Variants in CDH18 observed in about 807,000 individuals in gnomAD.
CDH18 encodes the protein cadherin-18.
In CDH18, 31 loss-of-function variants were observed where a neutral mutation model predicts 67.9. That is an observed-to-expected ratio of 0.46 (90% confidence interval 0.34 to 0.62). The LOEUF is 0.62. Ranked by LOEUF, CDH18 falls within the 20% of genes least tolerant of loss-of-function variation. The pLI, the probability that CDH18 is intolerant of heterozygous loss-of-function variation, is 0.01. For synonymous variants in CDH18, 362 were observed against 347.2 expected, an observed-to-expected ratio of 1.04 and a Z score of -0.48; for missense variants, 890 against 975.5, an observed-to-expected ratio of 0.91 and a Z score of 1.17.
At chr5:19,905,006 C>G (rs1790383588) in intron 2 of CDH18, among the ~76,000 whole-genome samples, 1 of 152,096 alleles carries the variant, frequency 6.6e-6, no homozygotes. Flanking sequence ...TGGTTTCTTG[C>G]TGAGAGATGT....
At chr5:20,190,266 A>C (rs1011777862) in intron 2 of CDH18, among the ~76,000 whole-genome samples, 64 of 152,256 alleles carry the variant, frequency 4.2e-4, no homozygotes, top group African/African-American at 1.5e-3. Context: ...ACTATTCTTC[A>C]GTTACATCAA....
intron 2 of CDH18, among the ~76,000 whole-genome samples, chr5:20,207,437 C>G (rs762464121): frequency 3.3e-5 from 5 of 151,992 alleles, no homozygotes; most frequent in African/African-American, 1.2e-4. Context: ...CTCATAAAGA[C>G]ATACAAGAGA....
chr5:20,289,889 T>C (rs766397597), intron 1 of CDH18, among the ~76,000 whole-genome samples: 1 of 152,008 alleles, frequency 6.6e-6, no homozygotes, highest in Admixed American at 6.6e-5. Context: ...GACAGAAATA[T>C]GTAGATAGCT....
At chr5:20,495,948 T>A (rs1753881049) in intron 1 of CDH18, among the ~76,000 whole-genome samples, 1 of 152,040 alleles carries the variant, frequency 6.6e-6, no homozygotes, top group Non-Finnish European at 1.5e-5. Flanking sequence ...AATAAAAGTT[T>A]GTGAATTGGA....
intron 2 of CDH18, among the ~76,000 whole-genome samples, chr5:20,007,534 GCATGA>G (rs1400641195): frequency 1.3e-5 from 2 of 152,090 alleles, no homozygotes; most frequent in Non-Finnish European, 2.9e-5. Flanking sequence ...GAATTTTTAA[GCATGA>G]CTCAAAATAT....
At chr5:20,228,000 A>G (rs533525758) in intron 2 of CDH18, among the ~76,000 whole-genome samples, 3 of 152,240 alleles carry the variant, frequency 2.0e-5, no homozygotes, top group African/African-American at 4.8e-5. Flanking sequence ...AAGATCATCA[A>G]ATAATTTATT....
intron 2 of CDH18, among the ~76,000 whole-genome samples, chr5:20,029,553 T>G (rs929944906): frequency 6.6e-6 from 1 of 152,222 alleles, no homozygotes; most frequent in Non-Finnish European, 1.5e-5. Context: ...TCTGCTTTAA[T>G]GCTTACTTAA....
At chr5:19,830,084 A>G (rs1327483129) in intron 3 of CDH18, among the ~76,000 whole-genome samples, 1 of 152,168 alleles carries the variant, frequency 6.6e-6, no homozygotes, top group Admixed American at 6.5e-5. Flanking sequence ...AGCTATAAAA[A>G]CCCTGGAAGA....
At chr5:20,509,361 T>A (rs1754871895) in intron 1 of CDH18, among the ~76,000 whole-genome samples, 1 of 151,892 alleles carries the variant, frequency 6.6e-6, no homozygotes, top group Admixed American at 6.6e-5. Context: ...TTTCCCTTAA[T>A]ATAATCTACA....
At chr5:19,871,094 T>C (rs1786218377) in intron 2 of CDH18, among the ~76,000 whole-genome samples, 1 of 152,192 alleles carries the variant, frequency 6.6e-6, no homozygotes, top group South Asian at 2.1e-4. Flanking sequence ...GCAGAGGTCA[T>C]ATAACTCATC....
rs191814960 is a variant in CDH18 at position 19,761,428 on chromosome 5, G to A, written c.229-14192C>T. Among the ~76,000 whole-genome samples the A allele has an allele frequency of 4.5e-3, 689 of 152,170 alleles. 1 individual carries two copies. Among genetic ancestry groups the A allele is most frequent in the Non-Finnish European group, 7.9e-3 (535 of 68,002 alleles). ...GCCTCTTCTGAGCAGTAAATCAGGCGTTTCAAATGCATTTATTTTGCATAA... is the reference window on the plus strand; with the variant it reads ...GCCTCTTCTGAGCAGTAAATCAGGCATTTCAAATGCATTTATTTTGCATAA... On this transcript the variant is annotated intron_variant, in intron 3 of 12. Transcript: ENST00000382275.
chr5:19,942,437 A>G (rs1346454535), intron 2 of CDH18, among the ~76,000 whole-genome samples: 1 of 152,230 alleles, frequency 6.6e-6, no homozygotes, highest in East Asian at 1.9e-4. Flanking sequence ...CAATTCATAT[A>G]CAAATAAAAT....
intron 4 of CDH18, among the ~76,000 whole-genome samples, chr5:19,732,984 G>A (rs1461724036): frequency 6.6e-6 from 1 of 152,226 alleles, no homozygotes; most frequent in South Asian, 2.1e-4. Context: ...GGAAATCTGA[G>A]TTCCGTTTTC....
intron 8 of CDH18, among the ~76,000 whole-genome samples, chr5:19,567,726 AT>A (rs1331876187): frequency 6.6e-6 from 1 of 152,144 alleles, no homozygotes; most frequent in Non-Finnish European, 1.5e-5. Flanking sequence ...AGCAGGATTC[AT>A]TTTAGTTCTC....
At chr5:20,197,384 T>C (rs1469828402) in intron 2 of CDH18, among the ~76,000 whole-genome samples, 1 of 152,204 alleles carries the variant, frequency 6.6e-6, no homozygotes, top group Non-Finnish European at 1.5e-5. Context: ...TTCTAGACAA[T>C]GAATCAAAAT....
intron 1 of CDH18, among the ~76,000 whole-genome samples, chr5:20,292,273 T>C (rs1031272279): frequency 2.6e-5 from 4 of 152,242 alleles, no homozygotes; most frequent in African/African-American, 4.8e-5. Context: ...CACTTGATGG[T>C]TCAATTTCTG....
intron 3 of CDH18, among the ~76,000 whole-genome samples, chr5:19,811,212 AAG>A (rs763423697): frequency 0.054 from 8,186 of 151,678 alleles, 481 homozygotes; most frequent in African/African-American, 0.064. Flanking sequence ...GGAAGGAAGG[AAG>A]GAAAGAAAAG....
At position 20,407,693 on chromosome 5, in the gene CDH18, A is replaced by G. The variant is rs1427287744; in HGVS notation, c.-579-152188T>C. Among the ~76,000 whole-genome samples, 15 of 150,964 alleles carry G rather than the reference A, an allele frequency of 9.9e-5. No individual in the cohort carries two copies. In the Admixed American group the frequency reaches 1.0e-3, roughly 10 times the overall value. Reference sequence around the variant, plus strand: ...CTAGCTTAAATGCAGGTTGCTTTGAATATCACAGTCAGAAAAGAAAAAAAA... The same window carrying G: ...CTAGCTTAAATGCAGGTTGCTTTGAGTATCACAGTCAGAAAAGAAAAAAAA... On this transcript the variant is annotated intron_variant, in intron 1 of 14. Coordinates refer to the CDH18 transcript ENST00000507958.
chr5:20,439,293 G>C (rs1749422025), intron 1 of CDH18, among the ~76,000 whole-genome samples: 1 of 151,542 alleles, frequency 6.6e-6, no homozygotes. Context: ...GTTTGCTGTG[G>C]GAAAGTAAGT....
Sources: gnomAD v4.1 joint callset for allele counts (sites outside exome capture counted in the v4.1 genomes callset) on GRCh38, gnomAD v4.1.1 for gene constraint, MANE v1.5 for transcripts, NCBI Gene and HGNC (gene_info 2026-07-23, HGNC 2026-07-21) for gene names.